Variants in ATF7IP2 observed in about 807,000 individuals in gnomAD.
ATF7IP2 encodes the protein activating transcription factor 7-interacting protein 2.
ATF7IP2 carries 42 observed loss-of-function variants against 64.2 expected under a neutral mutation model. The ratio of observed to expected loss-of-function variants is 0.65; its 90% CI spans 0.51 to 0.85. The LOEUF (loss-of-function observed/expected upper bound fraction) is 0.85. ATF7IP2 is among the 40% of genes least tolerant of loss of function. The pLI, the probability that ATF7IP2 is intolerant of heterozygous loss-of-function variation, is 0.00. For synonymous variants in ATF7IP2, 308 were observed against 272.8 expected (o/e 1.13, Z -1.27); for missense variants, 933 against 784.2 (o/e 1.19, Z -2.27).
intron 12 of ATF7IP2, among the ~76,000 whole-genome samples, chr16:10,475,465 G>T (rs1416240973): frequency 6.6e-6 from 1 of 152,230 alleles, no homozygotes; most frequent in East Asian, 1.9e-4. Flanking sequence ...GCCGAGACGG[G>T]CAGATCATGA....
chr16:10,437,276 C>T (rs1321181731), intron 6 of ATF7IP2, among the ~76,000 whole-genome samples: 1 of 152,208 alleles, frequency 6.6e-6, no homozygotes, highest in Non-Finnish European at 1.5e-5. Context: ...ACCTCGGCCT[C>T]CCAGAGTGTT....
chr16:10,480,706 A>G (rs1055947907), intron 12 of ATF7IP2, among the ~76,000 whole-genome samples, 173 bp from the exon 13 acceptor site: 3 of 151,448 alleles, frequency 2.0e-5, no homozygotes, highest in Admixed American at 6.6e-5. Flanking sequence ...AAAATTTTCT[A>G]TATTTGGTAC....
chr16:10,418,771 A>G (rs1252622011), intron 2 of ATF7IP2, among the ~76,000 whole-genome samples: 3 of 152,168 alleles, frequency 2.0e-5, no homozygotes, highest in African/African-American at 7.2e-5. Context: ...TGATCTTATT[A>G]AGAGCCGTTA....
intron 1 of ATF7IP2, among the ~76,000 whole-genome samples, chr16:10,388,698 C>T (rs760990942): frequency 4.2e-4 from 64 of 152,120 alleles, no homozygotes; most frequent in Non-Finnish European, 7.9e-4. Flanking sequence ...GTAAGAAAGG[C>T]ATGTCACTGA....
chr16:10,387,645 C>T (rs915440051), intron 1 of ATF7IP2: 73 of 152,284 alleles, frequency 4.8e-4, no homozygotes, highest in Middle Eastern at 3.4e-3. Context: ...TATATCATAG[C>T]TCTCTTATAG....
At chr16:10,424,002 C>T (rs12926022) in intron 3 of ATF7IP2, among the ~76,000 whole-genome samples, 22,739 of 152,162 alleles carry the variant, frequency 0.15, 1,867 homozygotes, top group African/African-American at 0.21. Context: ...AGAGTTTTAC[C>T]CACATATTTA....
chr16:10,457,237 A>T, intron 8 of ATF7IP2, 135 bp from the exon 9 acceptor site: 1 of 692,812 alleles, frequency 1.4e-6, no homozygotes, highest in South Asian at 2.1e-5. Flanking sequence ...CATGGTCATC[A>T]GCCATCGAAA....
At chr16:10,393,223 T>C (rs2047361224) in intron 1 of ATF7IP2, among the ~76,000 whole-genome samples, 1 of 148,968 alleles carries the variant, frequency 6.7e-6, no homozygotes, top group South Asian at 2.1e-4. Flanking sequence ...GGCAGGAGAA[T>C]TGCTTGAACC....
At chr16:10,428,241 G>A (rs544866184) in intron 3 of ATF7IP2, among the ~76,000 whole-genome samples, 10 of 152,260 alleles carry the variant, frequency 6.6e-5, no homozygotes, top group Non-Finnish European at 1.3e-4. Context: ...GTGTTTCAAA[G>A]ATGTTCACTT....
At position 10,430,599 on chromosome 16, in the gene ATF7IP2, C is replaced by T; in HGVS notation, c.-10-12C>T. ...AGAGAAATGCATTTAAATATGATGTCTTAAATTCCAGGATATGAAAGATGG... is the reference window on the plus strand; with the variant it reads ...AGAGAAATGCATTTAAATATGATGTTTTAAATTCCAGGATATGAAAGATGG... On this transcript the variant is annotated splice_polypyrimidine_tract_variant and intron_variant, in intron 4 of 13. Transcript: ENST00000562102. 1 of 1,535,440 alleles carries T rather than the reference C, an allele frequency of 6.5e-7. No homozygotes were observed. Among genetic ancestry groups the T allele is most frequent in the Non-Finnish European group, 8.9e-7 (1 of 1,120,922 alleles).
At chr16:10,460,767 CT>C (rs914415253) in intron 9 of ATF7IP2, among the ~76,000 whole-genome samples, 16 of 152,072 alleles carry the variant, frequency 1.1e-4, no homozygotes, top group Non-Finnish European at 2.2e-4. Flanking sequence ...TATATAATGT[CT>C]TCATGAACTT....
intron 9 of ATF7IP2, among the ~76,000 whole-genome samples, chr16:10,459,380 A>G (rs926482908): frequency 9.9e-5 from 15 of 151,912 alleles, no homozygotes; most frequent in Non-Finnish European, 2.1e-4. Flanking sequence ...AGGCAGGAGA[A>G]TGGCTTGAAC....
intron 9 of ATF7IP2, among the ~76,000 whole-genome samples, chr16:10,468,632 G>T (rs1477480967): frequency 6.6e-6 from 1 of 152,190 alleles, no homozygotes; most frequent in African/African-American, 2.4e-5. Flanking sequence ...CAGAATTTAT[G>T]AAGTGGAACA....
chr16:10,446,067 C>G (rs2048793151), intron 8 of ATF7IP2: 1 of 152,350 alleles, frequency 6.6e-6, no homozygotes, highest in African/African-American at 2.4e-5. Context: ...AGCCCTACTT[C>G]TTCAAGGGCT....
At chr16:10,470,622 AT>A (rs1039334946) in intron 9 of ATF7IP2, among the ~76,000 whole-genome samples, 7 of 151,956 alleles carry the variant, frequency 4.6e-5, no homozygotes, top group South Asian at 2.1e-4. Flanking sequence ...TTTTAAAAAA[AT>A]TTTTTTAAAA....
chr16:10,473,894 C>CT (rs56766112), intron 11 of ATF7IP2, 29 bp from the exon 12 acceptor site: 31,280 of 1,035,814 alleles, frequency 0.03, 21 homozygotes, highest in Non-Finnish European at 0.035. Flanking sequence ...TGAGGCAAAG[C>CT]TTTTTTTTTT....
At chr16:10,470,221 A>C (rs922250813) in intron 9 of ATF7IP2, among the ~76,000 whole-genome samples, 1 of 152,180 alleles carries the variant, frequency 6.6e-6, no homozygotes, top group Non-Finnish European at 1.5e-5. Flanking sequence ...TAGTTTAGAA[A>C]TTATATATAT....
At chr16:10,462,777 T>C (rs148278855) in intron 9 of ATF7IP2, among the ~76,000 whole-genome samples, 1 of 152,148 alleles carries the variant, frequency 6.6e-6, no homozygotes, top group Non-Finnish European at 1.5e-5. Context: ...CATTATTGCT[T>C]CAGATATTGC....
intron 1 of ATF7IP2, 66 bp downstream of exon 1, chr16:10,386,188 T>G: frequency 6.6e-6 from 1 of 152,190 alleles, no homozygotes; most frequent in East Asian, 1.9e-4. Context: ...TCTAGGAGCG[T>G]CGGTCGCCTC....
Sources: gnomAD v4.1 joint callset for allele counts (sites outside exome capture counted in the v4.1 genomes callset) on GRCh38, gnomAD v4.1.1 for gene constraint, MANE v1.5 for transcripts, NCBI Gene and HGNC (gene_info 2026-07-23, HGNC 2026-07-21) for gene names.